The following TNFAIP8L3 variants were observed in gnomAD, a reference collection of about 807,000 sequenced individuals.
The protein encoded by TNFAIP8L3 is tumor necrosis factor alpha-induced protein 8-like protein 3.
A neutral mutation model predicts 11.8 loss-of-function variants in TNFAIP8L3; 7 were observed. That is an observed-to-expected ratio of 0.59 (90% CI 0.34 to 1.11). The LOEUF (loss-of-function observed/expected upper bound fraction) is 1.11. Ranked by LOEUF, TNFAIP8L3 falls within the 50% of genes most tolerant of loss-of-function variation. The pLI is 0.03. For missense variants in TNFAIP8L3, 219 were observed against 258.6 expected (o/e 0.85, Z 1.05); for synonymous variants, 98 against 103.8 (o/e 0.94, Z 0.34).
chr15:51,100,412 C>G (rs1418187072), intron 1 of TNFAIP8L3, among the ~76,000 whole-genome samples: 1 of 151,332 alleles, frequency 6.6e-6, no homozygotes, highest in Admixed American at 6.6e-5. Flanking sequence ...AAGACAACAA[C>G]AAGAGTAGTG....
In TNFAIP8L3 at chr15:51,057,988, C is replaced by A; in HGVS notation, c.508G>T (p.Asp170Tyr). The A allele has an allele frequency of 6.2e-7, 1 of 1,614,206 alleles. No homozygotes were observed. The highest frequency in any genetic ancestry group is 8.5e-7 in the Non-Finnish European group (1 of 1,180,034). Residue 170 changes from aspartate (D) to tyrosine (Y), a missense_variant, in exon 2 of 2, where the codon GAT (aspartate) becomes TAT (tyrosine). Physicochemically the swap from Asp to Tyr is radical, Grantham distance 160. Coordinates refer to ENST00000637513, the MANE Select transcript of TNFAIP8L3 (RefSeq NM_001311175.2). ...RINHVFNHFA[D>Y]VEFLSTLYSL... ...TAGAGGGTGGAGAGGAACTCCACAT[C>A]GGCAAAGTGGTTAAAGACGTGGTTG...
At chr15:51,060,559 A>G (rs143423990) in intron 1 of TNFAIP8L3, among the ~76,000 whole-genome samples, 85 of 152,374 alleles carry the variant, frequency 5.6e-4, no homozygotes, top group African/African-American at 1.9e-3. Flanking sequence ...CTACATATGC[A>G]TCCAGTGGCA....
intron 1 of TNFAIP8L3, among the ~76,000 whole-genome samples, chr15:51,064,020 C>A (rs1210418599): frequency 6.6e-6 from 1 of 152,176 alleles, no homozygotes; most frequent in Non-Finnish European, 1.5e-5. Flanking sequence ...GGGGTACAAA[C>A]TTCTACAGTG....
chr15:51,080,275 C>T (rs997718211), intron 1 of TNFAIP8L3, among the ~76,000 whole-genome samples: 1 of 152,274 alleles, frequency 6.6e-6, no homozygotes, highest in Non-Finnish European at 1.5e-5. Flanking sequence ...ATCTTGTTTT[C>T]CCAGGAGTTA....
chr15:51,070,773 G>A (rs556261628), intron 1 of TNFAIP8L3, among the ~76,000 whole-genome samples: 130 of 152,192 alleles, frequency 8.5e-4, no homozygotes, highest in African/African-American at 2.5e-3. Flanking sequence ...CTGGCCGGGC[G>A]CGGTGGCTCA....
intron 1 of TNFAIP8L3, among the ~76,000 whole-genome samples, chr15:51,073,424 T>G (rs2065326546): frequency 6.6e-6 from 1 of 152,248 alleles, no homozygotes. Flanking sequence ...TTGCATATCT[T>G]TCATTAGATT....
chr15:51,103,706 C>T (rs1413321059), intron 1 of TNFAIP8L3, among the ~76,000 whole-genome samples: 1 of 152,194 alleles, frequency 6.6e-6, no homozygotes, highest in South Asian at 2.1e-4. Context: ...CTCCGTGTTA[C>T]TTTCTTCTAA....
intron 1 of TNFAIP8L3, among the ~76,000 whole-genome samples, chr15:51,102,598 AC>A (rs2065562513): frequency 1.3e-5 from 2 of 152,220 alleles, no homozygotes; most frequent in Non-Finnish European, 2.9e-5. Flanking sequence ...GTTCAAGGTC[AC>A]CTGGTCTAAC....
At chr15:51,062,277 AAAAATAAAAT>A (rs145219063) in intron 1 of TNFAIP8L3, among the ~76,000 whole-genome samples, 11 of 149,404 alleles carry the variant, frequency 7.4e-5, no homozygotes, top group Non-Finnish European at 1.5e-4. Flanking sequence ...CTGTCTCAAT[AAAAATAAAAT>A]AAAATAAAAT....
At chr15:51,095,251 T>TAAGGGAAGGGAGCGGGGAATAAGGG (rs2065505696), upstream of TNFAIP8L3, among the ~76,000 whole-genome samples, 5 of 54,206 alleles carry the variant, frequency 9.2e-5, no homozygotes, top group Admixed American at 1.4e-3. Context: ...GAGCGGGGAA[T>TAAGGGAAGGGAGCGGGGAATAAGGG]AAGGGAAGGG....
intron 1 of TNFAIP8L3, among the ~76,000 whole-genome samples, chr15:51,078,204 C>T (rs1348403218): frequency 6.6e-6 from 1 of 151,838 alleles, no homozygotes; most frequent in Non-Finnish European, 1.5e-5. Flanking sequence ...CCTTGGTAAC[C>T]GCTCTCACCA....
At chr15:51,102,342 T>G (rs2065559808) in intron 1 of TNFAIP8L3, among the ~76,000 whole-genome samples, 1 of 152,228 alleles carries the variant, frequency 6.6e-6, no homozygotes, top group African/African-American at 2.4e-5. Context: ...TCTCCTAAAT[T>G]TGTTTTTTTC....
At chr15:51,058,810 C>T (rs759847541) in intron 1 of TNFAIP8L3, among the ~76,000 whole-genome samples, 5 of 152,232 alleles carry the variant, frequency 3.3e-5, no homozygotes, top group African/African-American at 4.8e-5. Flanking sequence ...AACCATTCAG[C>T]TTTGCAAACT....
At chr15:51,084,180 AGG>A (rs753504002) in intron 1 of TNFAIP8L3, among the ~76,000 whole-genome samples, 1 of 144,276 alleles carries the variant, frequency 6.9e-6, no homozygotes, top group Non-Finnish European at 1.5e-5. Context: ...GTAGATGTAT[AGG>A]GGTGTGTGTG....
chr15:51,102,230 T>G (rs1412104859), intron 1 of TNFAIP8L3, among the ~76,000 whole-genome samples: 1 of 152,142 alleles, frequency 6.6e-6, no homozygotes, highest in Non-Finnish European at 1.5e-5. Flanking sequence ...CAGACAGGCA[T>G]GCTTTCATCT....
chr15:51,075,391 C>T (rs940004721), intron 1 of TNFAIP8L3, among the ~76,000 whole-genome samples: 11 of 152,176 alleles, frequency 7.2e-5, no homozygotes, highest in Admixed American at 6.5e-4. Context: ...CAGAAGCACC[C>T]CTCCTTCCTG....
At chr15:51,089,884 C>T (rs1408207184) in intron 1 of TNFAIP8L3, among the ~76,000 whole-genome samples, 1 of 152,220 alleles carries the variant, frequency 6.6e-6, no homozygotes, top group African/African-American at 2.4e-5. Flanking sequence ...GGGAATATGA[C>T]TAATAACCAA....
rs569461020 is a variant in TNFAIP8L3 at position 51,066,034 on chromosome 15, G to A, written c.53-7591C>T. Among the ~76,000 whole-genome samples the A allele has an allele frequency of 7.9e-5, 12 of 151,188 alleles. 1 individual carries two copies. The highest frequency in any genetic ancestry group is 5.9e-4 in the Admixed American group (9 of 15,204). On this transcript the variant is annotated intron_variant, in intron 1 of 1. Coordinates refer to ENST00000637513, the MANE Select transcript of TNFAIP8L3 (RefSeq NM_001311175.2). ...CAGAGGGAGATTCCTGGTAGTCCAA[G>A]TTTCTGGCACTCAATCACTTACACT...
intron 1 of TNFAIP8L3, among the ~76,000 whole-genome samples, chr15:51,067,403 G>A (rs1343241912): frequency 6.6e-6 from 1 of 150,738 alleles, no homozygotes; most frequent in Admixed American, 6.6e-5. Flanking sequence ...CAGGCAGCTT[G>A]TGGGACTCAT....
Sources: allele counts gnomAD v4.1 joint callset (sites outside exome capture counted in the v4.1 genomes callset), GRCh38; gene constraint gnomAD v4.1.1; transcripts MANE v1.5; gene names NCBI Gene and HGNC (gene_info 2026-07-23, HGNC 2026-07-21).